The following WDFY4 variants were observed in gnomAD, a reference collection of about 807,000 sequenced individuals.
The protein encoded by WDFY4 is WD repeat- and FYVE domain-containing protein 4.
WDFY4 carries 169 observed loss-of-function variants against 351.9 expected under a neutral mutation model. The ratio of observed to expected loss-of-function variants is 0.48; its 90% CI spans 0.42 to 0.55. WDFY4 has a LOEUF of 0.55. Ranked by LOEUF, WDFY4 falls within the 20% of genes least tolerant of loss-of-function variation. The probability of loss-of-function intolerance (pLI) is 0.00; values close to 1 mark genes in which losing one functional copy is unlikely to be tolerated. For synonymous variants in WDFY4, 1,622 were observed against 1,574.6 expected (o/e 1.03, Z -0.71); for missense variants, 3,803 against 3,935.6 (o/e 0.97, Z 0.90).
At chr10:48,781,453 T>C (rs892678283) in intron 19 of WDFY4, among the ~76,000 whole-genome samples, 9 of 152,050 alleles carry the variant, frequency 5.9e-5, no homozygotes, top group Non-Finnish European at 1.0e-4. Context: ...CCCACCACCA[T>C]GCCCACTAAT....
At chr10:48,949,791 C>T (rs756137179) in intron 51 of WDFY4, among the ~76,000 whole-genome samples, 4 of 152,176 alleles carry the variant, frequency 2.6e-5, no homozygotes, top group Non-Finnish European at 4.4e-5. Context: ...TGGAGACATA[C>T]GTGGTGAGCC....
At position 48,760,400 on chromosome 10, in the gene WDFY4, T is replaced by A; in HGVS notation, c.2513T>A (p.Val838Glu). 6.4e-7 allele frequency: 1 copy of A among 1,551,702 alleles called. No individual in the cohort carries two copies. Among genetic ancestry groups the A allele is most frequent in the South Asian group, 1.2e-5 (1 of 84,044 alleles). ...IMHPGVVCIMVRLLPRLYHED... is the reference protein window; with the variant it reads ...IMHPGVVCIMERLLPRLYHED... ...CATCCCGGGGTCGTGTGCATCATGG[T>A]GAGGCTGCTGCCTCGGTTGTACCAT... Residue 838 changes from valine (V) to glutamate (E), a missense_variant, in exon 13 of 62, where the codon GTG becomes GAG. This residue lies in a region of WDFY4 where 3,054 missense variants were observed against 3,148.6 expected (regional missense o/e 0.97). Transcript: ENST00000325239.
rs1413998077 is a variant in WDFY4, at chr10:48,778,729, C to A, written c.3294C>A (p.His1098Gln). The stretch of plus-strand genomic sequence containing the variant: ...TGCGCTTCCTGACGTTGGTGCGCCA[C>A]CTGGCCAGGACTGAGCAACCCTTTG... ...HPLRFLTLVR[H>Q]LARTEQPFVC... The change falls in exon 18 of 62, where the codon CAC (histidine) becomes CAA (glutamine). Residue 1098 changes from histidine (H) to glutamine (Q), a missense_variant. Transcript: ENST00000325239. The A allele has an allele frequency of 6.4e-7, 1 of 1,551,690 alleles. No homozygotes were observed. Among genetic ancestry groups the A allele is most frequent in the African/African-American group, 1.4e-5 (1 of 73,180 alleles).
In WDFY4 at chr10:48,778,825, G is replaced by T. The variant is rs1363459968; in HGVS notation, c.3390G>T (p.Gln1130His). The T allele has an allele frequency of 6.5e-7, 1 of 1,550,298 alleles. No homozygotes were observed. The highest frequency in any genetic ancestry group is 2.4e-5 in the East Asian group (1 of 40,920). ...TTTCTACAGAAGAGAAGGAGTTTCA[G>T]CCTCTGGGTAAGGTGCTGGGATCCA... ...LVVSTEEKEFQPLDVMEPEDD... is the reference protein window; with the variant it reads ...LVVSTEEKEFHPLDVMEPEDD... The change falls in exon 18 of 62, where the codon CAG (glutamine) becomes CAT (histidine). Residue 1130 changes from glutamine (Q) to histidine (H), a missense_variant. By Grantham distance (24) the Gln-to-His change is conservative. Transcript: ENST00000325239.
At chr10:48,686,365 T>C (rs1350570419) in intron 1 of WDFY4, among the ~76,000 whole-genome samples, 1 of 145,820 alleles carries the variant, frequency 6.9e-6, no homozygotes, top group Non-Finnish European at 1.5e-5. Context: ...AGAAAGACCA[T>C]AATAAGATAG....
In WDFY4 at chr10:48,778,593, G is replaced by A; in HGVS notation, c.3176-18G>A. 1 of 1,546,892 alleles carries A rather than the reference G, an allele frequency of 6.5e-7. No individual in the cohort carries two copies. The highest frequency in any genetic ancestry group is 8.7e-7 in the Non-Finnish European group (1 of 1,144,630). On this transcript the variant is annotated intron_variant, in intron 17 of 61. Coordinates refer to ENST00000325239, the MANE Select transcript of WDFY4 (RefSeq NM_001394531.1). ...AGGGCAGAACAAAGCCTGAGGGCATGCCTGTGTTCCCACCCAGGTGCCACC... is the reference window on the plus strand; with the variant it reads ...AGGGCAGAACAAAGCCTGAGGGCATACCTGTGTTCCCACCCAGGTGCCACC...
chr10:48,822,310 G>C, intron 34 of WDFY4, 70 bp from the exon 35 acceptor site: 1 of 1,446,514 alleles, frequency 6.9e-7, no homozygotes, highest in South Asian at 1.5e-5. Flanking sequence ...GTCACTACAG[G>C]GGGCTTGGAG....
chr10:48,972,156 T>TTTATCAC (rs1418144407), intron 57 of WDFY4, among the ~76,000 whole-genome samples: 3 of 152,190 alleles, frequency 2.0e-5, no homozygotes, highest in Non-Finnish European at 4.4e-5. Context: ...AATAAAACAC[T>TTTATCAC]TTATCACTTA....
At chr10:48,943,494 A>G (rs750828627) in intron 49 of WDFY4, 45 bp downstream of exon 49, 2 of 1,538,362 alleles carry the variant, frequency 1.3e-6, no homozygotes, top group Non-Finnish European at 1.8e-6. Flanking sequence ...AGGTGTTCGG[A>G]CGTTGATAAC....
intron 47 of WDFY4, among the ~76,000 whole-genome samples, chr10:48,931,524 G>C (rs1840006075): frequency 6.6e-6 from 1 of 152,190 alleles, no homozygotes; most frequent in Admixed American, 6.5e-5. Flanking sequence ...TGCAATATGG[G>C]GAGGATATGT....
Position 48,890,620 on chromosome 10 carries a change from G to A in WDFY4, c.7209G>A (p.Leu2403=), listed in dbSNP as rs1201575780. The change falls in exon 44 of 62, where the codon CTG becomes CTA. Residue 2403 remains leucine, a synonymous_variant. Coordinates refer to ENST00000325239, the MANE Select transcript of WDFY4 (RefSeq NM_001394531.1). ...KFSLVIVQGH[L]VSEGVLLFGH... The stretch of plus-strand genomic sequence containing the variant: ...CCCTGGTGATTGTGCAGGGCCACCT[G>A]GTGTCAGAAGGGGTCCTGCTTTTTG... The A allele has an allele frequency of 6.4e-7, 1 of 1,551,638 alleles. No individual in the cohort carries two copies. Among genetic ancestry groups the A allele is most frequent in the East Asian group, 2.4e-5 (1 of 40,916 alleles).
intron 43 of WDFY4, among the ~76,000 whole-genome samples, chr10:48,884,501 GAC>G (rs2070377839): frequency 6.6e-6 from 1 of 151,828 alleles, no homozygotes; most frequent in South Asian, 2.1e-4. Context: ...TGCATGCACA[GAC>G]ACACATGTGC....
intron 39 of WDFY4, among the ~76,000 whole-genome samples, chr10:48,842,431 C>T (rs1335152787): frequency 6.6e-6 from 1 of 152,114 alleles, no homozygotes; most frequent in African/African-American, 2.4e-5. Context: ...TGTGTCCTGA[C>T]TTCTGAGCTC....
At chr10:48,760,693 C>T (rs2065475975) in intron 13 of WDFY4, among the ~76,000 whole-genome samples, 1 of 152,086 alleles carries the variant, frequency 6.6e-6, no homozygotes, top group Non-Finnish European at 1.5e-5. Flanking sequence ...AGAACAACAG[C>T]CAAACAAAAA....
intron 47 of WDFY4, among the ~76,000 whole-genome samples, chr10:48,940,110 G>A (rs966137352): frequency 1.3e-5 from 2 of 152,246 alleles, no homozygotes; most frequent in Non-Finnish European, 2.9e-5. Flanking sequence ...GGAGGGCTCA[G>A]CACAGGTCCT....
intron 12 of WDFY4, among the ~76,000 whole-genome samples, chr10:48,755,650 T>A (rs1384466484): frequency 6.6e-6 from 1 of 152,180 alleles, no homozygotes; most frequent in Non-Finnish European, 1.5e-5. Flanking sequence ...TCTTTATAAC[T>A]TTGTAAAAAC....
At chr10:48,753,184 C>T (rs1267677913) in intron 12 of WDFY4, among the ~76,000 whole-genome samples, 1 of 152,142 alleles carries the variant, frequency 6.6e-6, no homozygotes, top group African/African-American at 2.4e-5. Context: ...AACGTCTATT[C>T]AAGGGCTTGG....
At chr10:48,789,005 G>A (rs1314275837) in intron 21 of WDFY4, among the ~76,000 whole-genome samples, 3 of 151,872 alleles carry the variant, frequency 2.0e-5, no homozygotes, top group African/African-American at 7.3e-5. Flanking sequence ...CTAACACTGA[G>A]ATATTCTTTG....
intron 9 of WDFY4, among the ~76,000 whole-genome samples, chr10:48,732,967 T>C (rs753809027): frequency 6.6e-6 from 1 of 152,262 alleles, no homozygotes; most frequent in Non-Finnish European, 1.5e-5. Flanking sequence ...CAATATTTTA[T>C]GAGTTGCTTT....
Sources: gnomAD v4.1 joint callset for allele counts (sites outside exome capture counted in the v4.1 genomes callset) on GRCh38, gnomAD v4.1.1 for gene constraint, gnomAD v4.1.1 regional missense constraint, MANE v1.5 for transcripts, NCBI Gene and HGNC (gene_info 2026-07-23, HGNC 2026-07-21) for gene names.